Variants in FBXO27 observed in about 807,000 individuals in gnomAD.
FBXO27 encodes F-box only protein 27.
In FBXO27, 28 loss-of-function variants were observed where a neutral mutation model predicts 28.3. The observed-to-expected ratio is 0.99, with a 90% CI of 0.73 to 1.36. The LOEUF is 1.36. FBXO27 is among the 40% of genes most tolerant of loss of function. The pLI is 0.00. For missense variants in FBXO27, 388 were observed against 394.1 expected, an observed-to-expected ratio of 0.98 and a Z score of 0.13; for synonymous variants, 175 against 167.3, an observed-to-expected ratio of 1.05 and a Z score of -0.36.
At chr19:39,011,832 T>C (rs1244179339) in intron 2 of FBXO27, among the ~76,000 whole-genome samples, 15 of 148,522 alleles carry the variant, frequency 1.0e-4, no homozygotes, top group East Asian at 2.0e-4. Flanking sequence ...CTTTTCTTTT[T>C]TTTTTTTTTT....
intron 1 of FBXO27, among the ~76,000 whole-genome samples, chr19:39,016,826 C>G (rs2072822688): frequency 6.6e-6 from 1 of 151,620 alleles, no homozygotes; most frequent in Non-Finnish European, 1.5e-5. Flanking sequence ...TTCAGACATA[C>G]AAAAAAATAT....
chr19:39,011,040 C>T (rs2072791654), intron 2 of FBXO27, among the ~76,000 whole-genome samples: 1 of 152,212 alleles, frequency 6.6e-6, no homozygotes, highest in Non-Finnish European at 1.5e-5. Context: ...CAACTTTGTT[C>T]TTTTTCAAGA....
rs2072865536 is a variant in FBXO27 at position 39,025,184 on chromosome 19, C to A, written c.*227G>T. ...TGGGTTTCCCCTCAGTACAGTAGGG[C>A]CCCCCCGCAAAGCAGCAGCTGCAGT... is the stretch of plus-strand genomic sequence containing the variant. On this transcript the variant is annotated 3_prime_UTR_variant, in exon 6 of 6. Transcript: ENST00000292853. 1 of 541,586 alleles carries A rather than the reference C, an allele frequency of 1.8e-6. No homozygotes were observed. The highest frequency in any genetic ancestry group is 3.2e-6 in the Non-Finnish European group (1 of 315,398). The allele number at this position is 541,586 out of a possible 1,614,324, so 33.5% of individuals were successfully genotyped here.
intron 2 of FBXO27, among the ~76,000 whole-genome samples, chr19:39,008,625 A>T (rs1210782181): frequency 6.6e-6 from 1 of 152,048 alleles, no homozygotes; most frequent in Non-Finnish European, 1.5e-5. Flanking sequence ...CACCCCAAAC[A>T]ATCCGTGTAC....
intron 2 of FBXO27, among the ~76,000 whole-genome samples, chr19:39,009,332 T>C (rs551108636): frequency 6.6e-6 from 1 of 152,264 alleles, no homozygotes; most frequent in Non-Finnish European, 1.5e-5. Flanking sequence ...TGTCATGCAG[T>C]AGAATTCTAC....
intron 5 of FBXO27, among the ~76,000 whole-genome samples, chr19:39,025,763 C>T (rs539726268): frequency 6.6e-6 from 1 of 152,220 alleles, no homozygotes; most frequent in South Asian, 2.1e-4. Flanking sequence ...GCCTGTAATC[C>T]CAGCACTTTG....
At chr19:39,015,200 T>G (rs1600223599) in intron 1 of FBXO27, among the ~76,000 whole-genome samples, 1 of 150,968 alleles carries the variant, frequency 6.6e-6, no homozygotes, top group East Asian at 1.9e-4. Context: ...GCCCTTGTGG[T>G]CTCAGCTACT....
At chr19:39,006,851 G>A (rs1975737647) in intron 2 of FBXO27, among the ~76,000 whole-genome samples, 1 of 151,420 alleles carries the variant, frequency 6.6e-6, no homozygotes, top group Non-Finnish European at 1.5e-5. Flanking sequence ...GGGTAAGGCG[G>A]GAAGATCACT....
rs372143960 is a variant in FBXO27 at position 39,028,991 on chromosome 19, G to A, written c.573-1986C>T. Among the ~76,000 whole-genome samples the A allele has an allele frequency of 1.2e-4, 18 of 147,990 alleles. No homozygotes were observed. In the East Asian group the frequency reaches 2.2e-3, roughly 18 times the overall value. ...CAGGTGGTAGAGATTGCAGTGAGCC[G>A]AGATCACGCCACTGCACTCCAGCCT... On this transcript the variant is annotated intron_variant, in intron 4 of 5. Coordinates refer to ENST00000292853, the MANE Select transcript of FBXO27 (RefSeq NM_178820.5).
At chr19:39,027,137 T>G in intron 4 of FBXO27, 132 bp from the exon 5 acceptor site, 3 of 1,110,376 alleles carry the variant, frequency 2.7e-6, no homozygotes, top group Non-Finnish European at 3.8e-6. Flanking sequence ...AGGTGATCTC[T>G]GGACCTTTGG....
intron 2 of FBXO27, among the ~76,000 whole-genome samples, chr19:39,009,199 C>T (rs1387056075): frequency 2.0e-5 from 3 of 152,204 alleles, no homozygotes; most frequent in African/African-American, 7.2e-5. Context: ...AGTTGAAGGA[C>T]ATTTGCTTGT....
At chr19:39,012,627 A>ATTTTCT (rs1555756958) in intron 2 of FBXO27, among the ~76,000 whole-genome samples, 1 of 34,516 alleles carries the variant, frequency 2.9e-5, no homozygotes, top group Non-Finnish European at 5.3e-5. Context: ...GAAATTCTAA[A>ATTTTCT]TTTTCTTCTT....
intron 2 of FBXO27, among the ~76,000 whole-genome samples, chr19:39,007,669 GTCTC>G (rs929387928): frequency 6.6e-6 from 1 of 151,990 alleles, no homozygotes; most frequent in Non-Finnish European, 1.5e-5. Flanking sequence ...TAGAGACAAG[GTCTC>G]TCTCTGTCAC....
At chr19:39,016,327 C>T (rs957455382) in intron 1 of FBXO27, among the ~76,000 whole-genome samples, 1 of 151,744 alleles carries the variant, frequency 6.6e-6, no homozygotes, top group Admixed American at 6.6e-5. Context: ...ATAACATGTA[C>T]CACTCTGGTG....
intron 5 of FBXO27, 109 bp downstream of exon 5, chr19:39,026,761 C>T (rs747180656): frequency 3.5e-5 from 53 of 1,518,872 alleles, no homozygotes; most frequent in Middle Eastern, 3.5e-4. Flanking sequence ...TGTGAGCCAC[C>T]GCACCCAGCC....
downstream of FBXO27, among the ~76,000 whole-genome samples, chr19:39,021,963 C>A (rs1358413584): frequency 6.6e-6 from 1 of 151,208 alleles, no homozygotes; most frequent in Non-Finnish European, 1.5e-5. Context: ...ATCCGGCTAT[C>A]CTCAGATTTT....
chr19:39,026,742 G>T (rs2072874597), intron 5 of FBXO27, 128 bp downstream of exon 5: 1 of 1,409,596 alleles, frequency 7.1e-7, no homozygotes, highest in Admixed American at 1.9e-5. Context: ...AAAGTGCTGG[G>T]ATTACAGGTG....
chr19:39,011,391 C>G (rs1046515957), intron 2 of FBXO27, among the ~76,000 whole-genome samples: 1 of 152,030 alleles, frequency 6.6e-6, no homozygotes, highest in Non-Finnish European at 1.5e-5. Context: ...GAGACTGTGC[C>G]GCTGGACTCC....
downstream of FBXO27, among the ~76,000 whole-genome samples, chr19:39,023,239 C>T (rs1334557988): frequency 2.0e-5 from 3 of 152,132 alleles, no homozygotes; most frequent in African/African-American, 7.2e-5. Flanking sequence ...CCCAGCCTCC[C>T]GAATATTTCC....
Sources: allele counts gnomAD v4.1 joint callset (sites outside exome capture counted in the v4.1 genomes callset), GRCh38; gene constraint gnomAD v4.1.1; transcripts MANE v1.5; gene names NCBI Gene and HGNC (gene_info 2026-07-23, HGNC 2026-07-21).